PRCC: variants seen among roughly 807,000 people sequenced by gnomAD.
PRCC encodes the protein proline-rich protein PRCC.
PRCC carries 10 observed loss-of-function variants against 44.0 expected under a neutral mutation model. That is an observed-to-expected ratio of 0.23 (90% CI 0.14 to 0.39). The LOEUF is 0.39. Among genes scored for constraint, PRCC ranks in the 10% least tolerant of loss-of-function variants. The pLI is 1.00. For missense variants in PRCC, 573 were observed against 624.7 expected (o/e 0.92, Z 0.88); for synonymous variants, 278 against 259.5 (o/e 1.07, Z -0.69).
In PRCC at chr1:156,786,958, G is replaced by A. The variant is rs370864449; in HGVS notation, c.867G>A (p.Glu289=). The A allele has an allele frequency of 6.2e-7, 1 of 1,614,196 alleles. No individual in the cohort carries two copies. The highest frequency in any genetic ancestry group is 8.5e-7 in the Non-Finnish European group (1 of 1,180,036). The change falls in exon 3 of 7, where the codon GAG becomes GAA. Residue 289 remains glutamate (E), a synonymous_variant. Coordinates refer to ENST00000271526, the MANE Select transcript of PRCC (RefSeq NM_005973.5). ...AAAAGGCTGAGCCACCTGGAGTTGA[G>A]CCATACCCTTACCCCATCCCCACTG... is the stretch of plus-strand genomic sequence containing the variant. The part of the protein sequence containing the change: ...LPEKAEPPGV[E]PYPYPIPTVP...
chr1:156,794,774 T>C lies in PRCC; in HGVS notation c.1289T>C (p.Leu430Ser). The C allele has an allele frequency of 6.2e-7, 1 of 1,614,180 alleles. No homozygotes were observed. The highest frequency in any genetic ancestry group is 8.5e-7 in the Non-Finnish European group (1 of 1,180,030). Residue 430 changes from leucine (L) to serine (S), a missense_variant, in exon 5 of 7, where the codon TTG becomes TCG. This residue lies in a region of PRCC where 69 missense variants were observed against 139.3 expected (regional missense o/e 0.50). Coordinates refer to ENST00000271526, the MANE Select transcript of PRCC (RefSeq NM_005973.5). ...GCCCAGCAATGGATGACTAAGTCAT[T>C]GACAGAAGAGAAAACCATGAAGTCA... ...SGAQQWMTKS[L>S]TEEKTMKSFS...
chr1:156,768,094 T>C lies in PRCC; in HGVS notation c.323T>C (p.Leu108Pro), dbSNP rs1404270759. Reference protein sequence around the residue: ...PAEAAGVGEGLGLGLPSPRGP... With the variant: ...PAEAAGVGEGPGLGLPSPRGP... ...GAAGCGGCGGGAGTTGGGGAGGGAC[T>C]GGGATTGGGGTTGCCCTCGCCCCGA... Residue 108 changes from leucine to proline, a missense_variant, in exon 1 of 7, where the codon CTG becomes CCG. Transcript: ENST00000271526. 2 of 1,587,954 alleles carry C rather than the reference T, an allele frequency of 1.3e-6. No individual in the cohort carries two copies. Among genetic ancestry groups the C allele is most frequent in the Non-Finnish European group, 1.7e-6 (2 of 1,167,096 alleles).
intron 1 of PRCC, among the ~76,000 whole-genome samples, chr1:156,780,016 G>A (rs1249071650): frequency 2.0e-5 from 3 of 151,762 alleles, no homozygotes; most frequent in East Asian, 3.9e-4. Context: ...TCAGCCTCCC[G>A]AGAAGTGCGC....
intron 1 of PRCC, among the ~76,000 whole-genome samples, chr1:156,777,517 T>C (rs896540472): frequency 2.0e-5 from 3 of 151,796 alleles, no homozygotes; most frequent in Admixed American, 6.6e-5. Flanking sequence ...GGATTTCCCT[T>C]ACGGGTTAAA....
At chr1:156,781,159 C>T (rs1212881258) in intron 1 of PRCC, among the ~76,000 whole-genome samples, 1 of 152,196 alleles carries the variant, frequency 6.6e-6, no homozygotes, top group African/African-American at 2.4e-5. Flanking sequence ...GGGAAATGGT[C>T]CAGACTGAGA....
chr1:156,791,322 A>C, intron 3 of PRCC: 19 of 525,232 alleles, frequency 3.6e-5, no homozygotes, highest in Non-Finnish European at 5.9e-5. Context: ...ATCGTAGCTC[A>C]TTGGGGTCTT....
intron 2 of PRCC, among the ~76,000 whole-genome samples, chr1:156,785,595 GGA>G (rs1022844489): frequency 2.1e-5 from 3 of 140,614 alleles, no homozygotes; most frequent in Non-Finnish European, 4.8e-5. Context: ...TCTAAGGGGG[GGA>G]AAAAAAAGAG....
At chr1:156,769,860 A>G (rs1304291833) in intron 1 of PRCC, among the ~76,000 whole-genome samples, 1 of 152,124 alleles carries the variant, frequency 6.6e-6, no homozygotes, top group East Asian at 1.9e-4. Context: ...TCAGCCTCCC[A>G]AAGTGCTGGG....
At chr1:156,782,866 G>A (rs1167379555) in intron 2 of PRCC, among the ~76,000 whole-genome samples, 1 of 152,094 alleles carries the variant, frequency 6.6e-6, no homozygotes, top group Non-Finnish European at 1.5e-5. Flanking sequence ...GACAACTAGT[G>A]TGGGCAGAGC....
intron 6 of PRCC, among the ~76,000 whole-genome samples, chr1:156,799,501 C>T (rs1370707494): frequency 6.6e-6 from 1 of 152,088 alleles, no homozygotes; most frequent in Non-Finnish European, 1.5e-5. Flanking sequence ...CTTTCCTGGC[C>T]CCTTTCCTGG....
chr1:156,770,357 C>A (rs1412662514), intron 1 of PRCC, among the ~76,000 whole-genome samples: 1 of 152,196 alleles, frequency 6.6e-6, no homozygotes, highest in Non-Finnish European at 1.5e-5. Context: ...TCAAGATGGT[C>A]AGGTGAGGGT....
chr1:156,793,960 T>C (rs1429626683), intron 4 of PRCC, among the ~76,000 whole-genome samples: 21 of 147,114 alleles, frequency 1.4e-4, no homozygotes, highest in Admixed American at 2.7e-4. Context: ...CTTTCTTTTT[T>C]TTTTTTTTTT....
chr1:156,797,221 G>T, intron 5 of PRCC, 55 bp from the exon 6 acceptor site: 1 of 1,610,002 alleles, frequency 6.2e-7, no homozygotes, highest in Non-Finnish European at 8.5e-7. Flanking sequence ...CTGGGCACAT[G>T]AGAAACTTCT....
Position 156,768,094 on chromosome 1 carries a change from T to A in PRCC, c.323T>A (p.Leu108Gln), listed in dbSNP as rs1404270759. The A allele has an allele frequency of 9.4e-6, 15 of 1,587,836 alleles. No individual in the cohort carries two copies. The highest frequency in any genetic ancestry group is 1.2e-5 in the Non-Finnish European group (14 of 1,167,104). The change falls in exon 1 of 7, where the codon CTG (leucine) becomes CAG (glutamine). Residue 108 changes from leucine to glutamine, a missense_variant. Physicochemically the swap from Leu to Gln is moderately radical, Grantham distance 113 (BLOSUM62 -2). This residue lies in a region of PRCC where 245 missense variants were observed against 188.5 expected (regional missense o/e 1.30). Transcript: ENST00000271526. ...GAAGCGGCGGGAGTTGGGGAGGGAC[T>A]GGGATTGGGGTTGCCCTCGCCCCGA... is the stretch of plus-strand genomic sequence containing the variant. Reference protein sequence around the residue: ...PAEAAGVGEGLGLGLPSPRGP... With the variant: ...PAEAAGVGEGQGLGLPSPRGP...
chr1:156,780,270 G>A (rs1004832040), intron 1 of PRCC, among the ~76,000 whole-genome samples: 1 of 151,414 alleles, frequency 6.6e-6, no homozygotes, highest in Non-Finnish European at 1.5e-5. Context: ...TGTTGTCTGG[G>A]CTGGTCTCAA....
At chr1:156,790,496 G>A (rs1239739348) in intron 3 of PRCC, among the ~76,000 whole-genome samples, 1 of 152,178 alleles carries the variant, frequency 6.6e-6, no homozygotes, top group African/African-American at 2.4e-5. Flanking sequence ...GCTGGCATGC[G>A]CCTGTAATCC....
At chr1:156,778,315 T>G (rs186254906) in intron 1 of PRCC, among the ~76,000 whole-genome samples, 8 of 152,206 alleles carry the variant, frequency 5.3e-5, no homozygotes, top group Non-Finnish European at 1.0e-4. Context: ...CTTATTTCTC[T>G]TAGCATAACG....
At chr1:156,788,546 C>G (rs1050151426) in intron 3 of PRCC, among the ~76,000 whole-genome samples, 3 of 151,992 alleles carry the variant, frequency 2.0e-5, no homozygotes, top group African/African-American at 7.3e-5. Context: ...AATGGTAGCT[C>G]TGTTTTAAGT....
intron 1 of PRCC, among the ~76,000 whole-genome samples, chr1:156,779,599 C>T (rs1183927734): frequency 6.6e-6 from 1 of 152,082 alleles, no homozygotes; most frequent in East Asian, 1.9e-4. Context: ...GAACTCCTGA[C>T]CTCAAGTGAC....
Sources: allele counts gnomAD v4.1 joint callset (sites outside exome capture counted in the v4.1 genomes callset), GRCh38; gene constraint gnomAD v4.1.1; regional missense constraint gnomAD v4.1.1; transcripts MANE v1.5; gene names NCBI Gene and HGNC (gene_info 2026-07-23, HGNC 2026-07-21).